SHISA9: variants seen among roughly 807,000 people sequenced by gnomAD.
SHISA9 encodes shisa family member 9, also known as protein shisa-9.
In SHISA9, 13 loss-of-function variants were observed where a neutral mutation model predicts 38.0. The ratio of observed to expected loss-of-function variants is 0.34; its 90% CI spans 0.22 to 0.54. The LOEUF is 0.54. SHISA9 is among the 20% of genes least tolerant of loss of function. SHISA9 has a pLI of 0.91. For synonymous variants in SHISA9, 275 were observed against 242.0 expected, an observed-to-expected ratio of 1.14 and a Z score of -1.27; for missense variants, 538 against 575.8, an observed-to-expected ratio of 0.93 and a Z score of 0.67.
chr16:12,949,242 G>A (rs1383659247), intron 2 of SHISA9, among the ~76,000 whole-genome samples: 2 of 152,202 alleles, frequency 1.3e-5, no homozygotes, highest in African/African-American at 4.8e-5. Context: ...GAGTGGGCAA[G>A]GAAGCAAGTG....
chr16:13,470,150 T>C, the SHISA9 span, among the ~76,000 whole-genome samples: 4 of 152,198 alleles, frequency 2.6e-5, no homozygotes, highest in Non-Finnish European at 4.4e-5. Context: ...AAAAGTTGCC[T>C]CTCAGAATAG....
At chr16:13,054,501 C>G (rs901151657) in intron 2 of SHISA9, among the ~76,000 whole-genome samples, 4 of 152,216 alleles carry the variant, frequency 2.6e-5, no homozygotes, top group African/African-American at 9.6e-5. Context: ...ACATACATGT[C>G]CATGGAAATT....
chr16:13,377,612 C>T, the SHISA9 span, among the ~76,000 whole-genome samples: 1 of 152,176 alleles, frequency 6.6e-6, no homozygotes, highest in African/African-American at 2.4e-5. Context: ...TCTCTTGGCA[C>T]AAATATATTC....
chr16:13,131,670 A>C (rs1192609027), intron 2 of SHISA9, among the ~76,000 whole-genome samples: 5 of 152,190 alleles, frequency 3.3e-5, no homozygotes, highest in African/African-American at 1.2e-4. Context: ...GGTGACAGCC[A>C]TATTTGGCCT....
At chr16:13,384,617 G>A in the SHISA9 span, among the ~76,000 whole-genome samples, 1 of 152,194 alleles carries the variant, frequency 6.6e-6, no homozygotes, top group Non-Finnish European at 1.5e-5. Context: ...TGGGGAGACA[G>A]CAACCTTGAA....
At chr16:13,280,117 C>CT in the SHISA9 span, among the ~76,000 whole-genome samples, 6,340 of 100,768 alleles carry the variant, frequency 0.063, 222 homozygotes, top group African/African-American at 0.077. Context: ...CTCTCTTTCT[C>CT]TTTTTTTTTT....
chr16:13,285,311 T>C, the SHISA9 span, among the ~76,000 whole-genome samples: 1 of 152,148 alleles, frequency 6.6e-6, no homozygotes, highest in Non-Finnish European at 1.5e-5. Context: ...TTCCAATGTG[T>C]GGTATTTATT....
intron 2 of SHISA9, among the ~76,000 whole-genome samples, chr16:13,016,469 T>A (rs1462601596): frequency 6.6e-6 from 1 of 152,156 alleles, no homozygotes; most frequent in Non-Finnish European, 1.5e-5. Context: ...TCCAAGTGGT[T>A]GGTTGTGTAA....
At chr16:13,222,470 C>G (rs2051236684) in intron 4 of SHISA9, among the ~76,000 whole-genome samples, 1 of 152,106 alleles carries the variant, frequency 6.6e-6, no homozygotes, top group Non-Finnish European at 1.5e-5. Flanking sequence ...ACAAGGATTT[C>G]TTTTTTTAAA....
At chr16:13,226,242 G>A (rs146630377) in intron 4 of SHISA9, among the ~76,000 whole-genome samples, 177 of 152,286 alleles carry the variant, frequency 1.2e-3, no homozygotes, top group African/African-American at 3.9e-3. Flanking sequence ...GCACTTCCAG[G>A]TAATGGAAAT....
intron 2 of SHISA9, among the ~76,000 whole-genome samples, chr16:12,932,671 A>G (rs2071477113): frequency 6.6e-6 from 1 of 152,036 alleles, no homozygotes; most frequent in Admixed American, 6.6e-5. Flanking sequence ...AGAGTAAAAG[A>G]CACAGACTCT....
the SHISA9 span, among the ~76,000 whole-genome samples, chr16:13,415,813 G>A: frequency 6.5e-5 from 5 of 76,932 alleles, no homozygotes; most frequent in South Asian, 4.0e-4. Context: ...ACCTTCTTTC[G>A]TTAAAAAAAA....
In SHISA9 at chr16:12,902,114, G is replaced by A. The variant is rs2071024324; in HGVS notation, c.50G>A (p.Cys17Tyr). The A allele has an allele frequency of 1.3e-6, 2 of 1,500,560 alleles. No individual in the cohort carries two copies. Among genetic ancestry groups the A allele is most frequent in the Non-Finnish European group, 1.8e-6 (2 of 1,133,486 alleles). The allele number at this position is 1,500,560 out of a possible 1,614,324, so 93.0% of individuals were successfully genotyped here. ...CTCGGTTGCTTCCTCACCGAGCTGT[G>A]CGCCCGCGTGTGCCGGGCGCAGGAG... is the stretch of plus-strand genomic sequence containing the variant. Reference protein sequence around the residue: ...LLLGCFLTELCARVCRAQERA... With the variant: ...LLLGCFLTELYARVCRAQERA... The change falls in exon 1 of 5, where the codon TGC becomes TAC. Residue 17 changes from cysteine to tyrosine, a missense_variant. By Grantham distance (194) the Cys-to-Tyr change is radical (BLOSUM62 -2). Around this residue, in one of 4 missense-constraint regions of SHISA9, gnomAD observed 107 missense variants for 103.0 expected, o/e 1.04. Transcript: ENST00000558583.
At chr16:13,489,407 G>A in the SHISA9 span, among the ~76,000 whole-genome samples, 2 of 152,068 alleles carry the variant, frequency 1.3e-5, no homozygotes, top group Non-Finnish European at 2.9e-5. Flanking sequence ...GACTGTGTGT[G>A]TATATATTTT....
the SHISA9 span, among the ~76,000 whole-genome samples, chr16:13,486,065 G>A: frequency 2.6e-5 from 4 of 152,186 alleles, no homozygotes; most frequent in African/African-American, 9.7e-5. Context: ...GGTTACCCTA[G>A]AGGCTTCCAT....
At chr16:13,464,463 G>A in the SHISA9 span, among the ~76,000 whole-genome samples, 1 of 152,174 alleles carries the variant, frequency 6.6e-6, no homozygotes, top group Non-Finnish European at 1.5e-5. Context: ...CTCCCTATCA[G>A]CCTAAGTGCT....
intron 4 of SHISA9, among the ~76,000 whole-genome samples, chr16:13,233,870 G>A (rs1274318482): frequency 6.6e-6 from 1 of 152,132 alleles, no homozygotes; most frequent in Non-Finnish European, 1.5e-5. Flanking sequence ...ACAAAAATTA[G>A]CCTAGTGTGG....
At chr16:13,232,957 G>A (rs778410700) in intron 4 of SHISA9, among the ~76,000 whole-genome samples, 2 of 152,186 alleles carry the variant, frequency 1.3e-5, no homozygotes, top group South Asian at 2.1e-4. Flanking sequence ...AAAAAATCTA[G>A]CTATGTTAAT....
At chr16:13,117,408 C>A (rs963805175) in intron 2 of SHISA9, among the ~76,000 whole-genome samples, 1 of 152,088 alleles carries the variant, frequency 6.6e-6, no homozygotes, top group Non-Finnish European at 1.5e-5. Flanking sequence ...CGAATGGTGA[C>A]CTTCCAGAAA....
Sources: gnomAD v4.1 joint callset for allele counts (sites outside exome capture counted in the v4.1 genomes callset) on GRCh38, gnomAD v4.1.1 for gene constraint, gnomAD v4.1.1 regional missense constraint, MANE v1.5 for transcripts, NCBI Gene and HGNC (gene_info 2026-07-23, HGNC 2026-07-21) for gene names.